DOCK4: variants seen among roughly 807,000 people sequenced by gnomAD.
DOCK4 encodes the protein dedicator of cytokinesis protein 4.
A neutral mutation model predicts 268.1 loss-of-function variants in DOCK4; 97 were observed. That is an observed-to-expected ratio of 0.36 (90% CI 0.31 to 0.43). The LOEUF (loss-of-function observed/expected upper bound fraction) is 0.43, where lower values mean the gene tolerates loss of function less well. Among genes scored for constraint, DOCK4 ranks in the 20% least tolerant of loss-of-function variants. DOCK4 has a pLI of 1.00. For missense variants in DOCK4, 2,145 were observed against 2,455.7 expected (o/e 0.87, Z 2.67); for synonymous variants, 954 against 887.2 (o/e 1.08, Z -1.34).
intron 8 of DOCK4, among the ~76,000 whole-genome samples, chr7:111,962,690 A>T (rs1437464946): frequency 6.6e-6 from 1 of 152,182 alleles, no homozygotes; most frequent in African/African-American, 2.4e-5. Context: ...TCTTTTTCTT[A>T]AATGATAGAA....
chr7:111,878,622 G>A (rs995812606), intron 16 of DOCK4, among the ~76,000 whole-genome samples: 1 of 152,156 alleles, frequency 6.6e-6, no homozygotes, highest in African/African-American at 2.4e-5. Flanking sequence ...TCCCCCGGCA[G>A]TAGCTATGCA....
At chr7:111,743,266 T>C (rs1796049496) in intron 44 of DOCK4, among the ~76,000 whole-genome samples, 1 of 152,178 alleles carries the variant, frequency 6.6e-6, no homozygotes, top group African/African-American at 2.4e-5. Flanking sequence ...AAACGAATCC[T>C]ATATCACCAC....
intron 1 of DOCK4, among the ~76,000 whole-genome samples, chr7:112,111,535 A>AT (rs34716586): frequency 0.017 from 2,610 of 152,046 alleles, 76 homozygotes; most frequent in African/African-American, 0.058. Context: ...TTATCTTGCC[A>AT]TTTTTTTTAT....
chr7:111,797,206 T>A (rs1213087824), intron 30 of DOCK4, among the ~76,000 whole-genome samples: 1 of 152,166 alleles, frequency 6.6e-6, no homozygotes, highest in Non-Finnish European at 1.5e-5. Flanking sequence ...GCAAGTGCTG[T>A]AAGATCAACC....
chr7:112,052,522 T>C (rs1298765439), intron 1 of DOCK4, among the ~76,000 whole-genome samples: 7 of 152,182 alleles, frequency 4.6e-5, no homozygotes, highest in Non-Finnish European at 8.8e-5. Context: ...TTGAAATTCA[T>C]TACAAAGTTA....
At chr7:111,755,395 C>T in intron 42 of DOCK4, 120 bp downstream of exon 42, 3 of 897,464 alleles carry the variant, frequency 3.3e-6, no homozygotes, top group Non-Finnish European at 5.3e-6. Context: ...TAAACATTCA[C>T]TATTTTACTA....
At chr7:112,013,750 T>C (rs1157569725) in intron 1 of DOCK4, among the ~76,000 whole-genome samples, 2 of 152,216 alleles carry the variant, frequency 1.3e-5, no homozygotes, top group Non-Finnish European at 2.9e-5. Flanking sequence ...CTGCTGAGCT[T>C]CGGCTCAGAG....
intron 39 of DOCK4, 44 bp downstream of exon 39, chr7:111,765,074 C>T (rs1350055175): frequency 2.1e-6 from 2 of 936,764 alleles, no homozygotes; most frequent in Non-Finnish European, 3.1e-6. Context: ...ATTGGGATAT[C>T]TATATGAGAG....
chr7:112,100,553 T>C (rs1405590872), intron 1 of DOCK4, among the ~76,000 whole-genome samples: 1 of 152,226 alleles, frequency 6.6e-6, no homozygotes, highest in Non-Finnish European at 1.5e-5. Context: ...TAGCACCACA[T>C]CTACGAGAAA....
chr7:111,985,346 A>C (rs1205439168), intron 6 of DOCK4, among the ~76,000 whole-genome samples: 1 of 152,148 alleles, frequency 6.6e-6, no homozygotes, highest in Non-Finnish European at 1.5e-5. Context: ...ACCACATCCA[A>C]GGCCGAATGC....
At chr7:111,782,800 G>A in intron 35 of DOCK4, 64 bp downstream of exon 35, 1 of 1,486,554 alleles carries the variant, frequency 6.7e-7, no homozygotes, top group Non-Finnish European at 9.4e-7. Flanking sequence ...ACAAAACATA[G>A]TATTTCTGGG....
At chr7:111,797,075 TCA>T in intron 30 of DOCK4, among the ~76,000 whole-genome samples, 1 of 152,352 alleles carries the variant, frequency 6.6e-6, no homozygotes, top group East Asian at 1.9e-4. Flanking sequence ...TAAATTATCT[TCA>T]GTTTACACCC....
At position 111,964,142 on chromosome 7, in the gene DOCK4, G is replaced by A. The variant is rs568339266; in HGVS notation, c.701+12990C>T. On this transcript the variant is annotated intron_variant, in intron 8 of 52. Coordinates refer to ENST00000428084, the MANE Select transcript of DOCK4 (RefSeq NM_001363540.2). ...ACAGAAAAACTGGAAACTCTAAAAC[G>A]CAGAGCGCCTCTCCTCCTCCAAAGG... Among the ~76,000 whole-genome samples, 428 of 146,172 alleles carry A rather than the reference G, an allele frequency of 2.9e-3. 1 individual carries two copies. The highest frequency in any genetic ancestry group is 8.5e-3 in the African/African-American group (316 of 37,178).
intron 2 of DOCK4, among the ~76,000 whole-genome samples, 159 bp from the exon 3 acceptor site, chr7:112,000,693 G>A (rs778823553): frequency 2.0e-5 from 3 of 152,206 alleles, no homozygotes; most frequent in Admixed American, 1.3e-4. Context: ...AAAATAGCTC[G>A]AGTGACCAAA....
At chr7:111,998,072 A>G (rs1800110620) in intron 4 of DOCK4, among the ~76,000 whole-genome samples, 2 of 152,228 alleles carry the variant, frequency 1.3e-5, no homozygotes, top group African/African-American at 4.8e-5. Flanking sequence ...GCATCTTAGA[A>G]TCAGTGGTGA....
chr7:112,166,475 C>G (rs1817624809), intron 1 of DOCK4, among the ~76,000 whole-genome samples: 1 of 152,176 alleles, frequency 6.6e-6, no homozygotes, highest in Admixed American at 6.5e-5. Context: ...GTACGTTATT[C>G]TAAGTAATCA....
At chr7:112,024,194 A>C (rs1802575290) in intron 1 of DOCK4, among the ~76,000 whole-genome samples, 1 of 152,202 alleles carries the variant, frequency 6.6e-6, no homozygotes, top group Non-Finnish European at 1.5e-5. Flanking sequence ...TTAAAAATGT[A>C]ATGATTATAC....
At chr7:111,894,301 A>C (rs1562855314) in intron 16 of DOCK4, among the ~76,000 whole-genome samples, 1 of 152,182 alleles carries the variant, frequency 6.6e-6, no homozygotes, top group East Asian at 1.9e-4. Flanking sequence ...AATCCAAAGA[A>C]AGTTTTTGCT....
At chr7:112,026,897 C>T (rs1363260213) in intron 1 of DOCK4, among the ~76,000 whole-genome samples, 2 of 152,130 alleles carry the variant, frequency 1.3e-5, no homozygotes, top group African/African-American at 4.8e-5. Flanking sequence ...ACTGGAAATG[C>T]AACAAAAGTT....
Sources: gnomAD v4.1 joint callset for allele counts (sites outside exome capture counted in the v4.1 genomes callset) on GRCh38, gnomAD v4.1.1 for gene constraint, MANE v1.5 for transcripts, NCBI Gene and HGNC (gene_info 2026-07-23, HGNC 2026-07-21) for gene names.